Variants in MARK4 observed in about 807,000 individuals in gnomAD.
MARK4 encodes microtubule affinity regulating kinase 4.
Under a neutral mutation model 81.5 loss-of-function variants are expected in MARK4, and 19 were observed. The ratio of observed to expected loss-of-function variants is 0.23; its 90% CI spans 0.16 to 0.34. The LOEUF (loss-of-function observed/expected upper bound fraction) is 0.34, where lower values mean the gene tolerates loss of function less well. MARK4 is among the 10% of genes least tolerant of loss of function. The pLI, the probability that MARK4 is intolerant of heterozygous loss-of-function variation, is 1.00. For synonymous variants in MARK4, 436 were observed against 439.0 expected, an observed-to-expected ratio of 0.99 and a Z score of 0.08; for missense variants, 772 against 1,058.8, an observed-to-expected ratio of 0.73 and a Z score of 3.76.
At chr19:45,263,461 A>G in intron 4 of MARK4, 94 bp downstream of exon 4, 1 of 1,523,694 alleles carries the variant, frequency 6.6e-7, no homozygotes, top group Non-Finnish European at 9.1e-7. Context: ...TTGGAGACCC[A>G]CCAGGCGCAG....
chr19:45,281,228 A>G (rs1166756034), intron 12 of MARK4, among the ~76,000 whole-genome samples: 1 of 149,990 alleles, frequency 6.7e-6, no homozygotes. Flanking sequence ...TAATTTTTGT[A>G]TTTTCAGTAG....
At chr19:45,293,857 T>TG (rs1970850389) in intron 13 of MARK4, among the ~76,000 whole-genome samples, 1 of 152,238 alleles carries the variant, frequency 6.6e-6, no homozygotes, top group East Asian at 1.9e-4. Flanking sequence ...TGACTCAGCC[T>TG]GGGGCCGGGG....
At chr19:45,295,407 C>A (rs62120862) in intron 14 of MARK4, among the ~76,000 whole-genome samples, 2 of 151,802 alleles carry the variant, frequency 1.3e-5, no homozygotes, top group African/African-American at 4.8e-5. Context: ...GAGTTCGAAT[C>A]TTACCTCTGT....
At chr19:45,257,383 CT>C (rs35210904) in intron 1 of MARK4, among the ~76,000 whole-genome samples, 23,419 of 123,846 alleles carry the variant, frequency 0.19, 1,584 homozygotes, top group Middle Eastern at 0.32. Flanking sequence ...TTTTCTTTCT[CT>C]TTTTTTTTTT....
rs530175957 is a variant in MARK4, at chr19:45,289,186, G to C, written c.1494+1522G>C. The stretch of plus-strand genomic sequence containing the variant: ...GGGTGGATCATGAGGTCAAGAGATC[G>C]AGACCACCTGGCCAACATGGTGAAA... On this transcript the variant is annotated intron_variant, in intron 13 of 16. Coordinates refer to ENST00000262891, the MANE Select transcript of MARK4 (RefSeq NM_001199867.2). 2.2e-4 allele frequency among the ~76,000 whole-genome samples: 34 copies of C among 151,954 alleles called. No individual in the cohort carries two copies. The South Asian group carries it at 6.7e-3, about 30-fold the overall frequency.
At chr19:45,278,178 T>A in intron 9 of MARK4, 136 bp downstream of exon 9, 3 of 1,317,942 alleles carry the variant, frequency 2.3e-6, no homozygotes, top group Non-Finnish European at 3.1e-6. Flanking sequence ...TGCTGGTGAG[T>A]GGGGGTAGAC....
At chr19:45,299,693 C>G in intron 15 of MARK4, 118 bp from the exon 16 acceptor site, 7 of 812,568 alleles carry the variant, frequency 8.6e-6, no homozygotes, top group Non-Finnish European at 1.1e-5. Flanking sequence ...CAGGCCCTCA[C>G]CAGCCCGGAG....
chr19:45,271,855 C>A lies in MARK4; in HGVS notation c.786+147C>A, dbSNP rs1307753847. 3 of 773,542 alleles carry A rather than the reference C, an allele frequency of 3.9e-6. No homozygotes were observed. Among genetic ancestry groups the A allele is most frequent in the Non-Finnish European group, 4.2e-6 (2 of 479,988 alleles). 47.9% of individuals were successfully genotyped at this position (773,542 alleles called of 1,614,324 possible). On this transcript the variant is annotated intron_variant, in intron 8 of 16. Transcript: ENST00000262891. The surrounding 1 kb of genome is among the most constrained non-coding windows in gnomAD (Gnocchi z 4.1). ...TGGGGGATGGGCAGGATTCAAGTCCCCTCTGCAGTGAGGCCAGCCGAATGG... is the reference window on the plus strand; with the variant it reads ...TGGGGGATGGGCAGGATTCAAGTCCACTCTGCAGTGAGGCCAGCCGAATGG...
chr19:45,302,491 C>T lies in MARK4; in HGVS notation c.2040C>T (p.Ala680=). 6.2e-7 allele frequency: 1 copy of T among 1,608,530 alleles called. No individual in the cohort carries two copies. Among genetic ancestry groups the T allele is most frequent in the Non-Finnish European group, 8.5e-7 (1 of 1,179,370 alleles). Residue 680 remains alanine, a synonymous_variant, in exon 17 of 17, where the codon GCC becomes GCT. Transcript: ENST00000262891. The surrounding 1 kb of genome is among the most constrained non-coding windows in gnomAD (Gnocchi z 4.9). ...PEALMAALRQ[A]TAAARCRCRQ... is the part of the protein sequence containing the mutation. ...CCCTGATGGCAGCTCTGCGCCAGGC[C>T]ACAGCAGCCGCCCGCTGCCGCTGCC...
chr19:45,288,808 C>A (rs1422521435), intron 13 of MARK4, among the ~76,000 whole-genome samples: 2 of 147,536 alleles, frequency 1.4e-5, no homozygotes, highest in Non-Finnish European at 3.0e-5. Context: ...CAAGATCATA[C>A]CACTGCACTC....
At chr19:45,283,670 ATCCAT>A (rs1459078804) in intron 12 of MARK4, among the ~76,000 whole-genome samples, 1 of 152,154 alleles carries the variant, frequency 6.6e-6, no homozygotes, top group Non-Finnish European at 1.5e-5. Context: ...CATTTTGTTT[ATCCAT>A]TCATGAACAC....
At chr19:45,251,870 G>GCAGA (rs1219866128) in intron 1 of MARK4, among the ~76,000 whole-genome samples, 1 of 151,498 alleles carries the variant, frequency 6.6e-6, no homozygotes, top group East Asian at 2.0e-4. Context: ...TTGTCCCCGT[G>GCAGA]CAGACCGCTT....
intron 1 of MARK4, 84 bp from the exon 2 acceptor site, chr19:45,258,905 G>GC (rs750957735): frequency 1.1e-4 from 153 of 1,447,366 alleles, no homozygotes; most frequent in Non-Finnish European, 1.4e-4. Context: ...GGGGCCGGTA[G>GC]CCAGGCCTCA....
intron 1 of MARK4, among the ~76,000 whole-genome samples, chr19:45,257,870 T>C (rs1970329654): frequency 1.3e-5 from 2 of 150,658 alleles, no homozygotes; most frequent in Non-Finnish European, 3.0e-5. Flanking sequence ...TTTGTATTTT[T>C]AGTAGAGATG....
intron 12 of MARK4, 116 bp from the exon 13 acceptor site, chr19:45,287,331 A>C: frequency 1.6e-6 from 1 of 610,434 alleles, no homozygotes; most frequent in Non-Finnish European, 2.6e-6. Flanking sequence ...TATTGTCAGA[A>C]TGGCCCACAC....
chr19:45,294,552 TG>T, intron 14 of MARK4, 100 bp downstream of exon 14: 8 of 1,022,568 alleles, frequency 7.8e-6, no homozygotes, highest in Non-Finnish European at 1.0e-5. Context: ...GCTGGTGCCA[TG>T]GGGACCAGAG....
intron 12 of MARK4, among the ~76,000 whole-genome samples, chr19:45,286,448 G>A (rs1230655757): frequency 1.3e-5 from 2 of 148,948 alleles, no homozygotes; most frequent in Non-Finnish European, 3.0e-5. Context: ...GGTGGCTCAC[G>A]CCTGTAATCC....
chr19:45,302,521 G>A lies in MARK4; in HGVS notation c.2070G>A (p.Gln690=), dbSNP rs1429337628. ...ATAAARCRCR[Q]PQPFLLACLH... ...CAGCCGCCCGCTGCCGCTGCCGCCAGCCACAGCCGTTCCTGCTGGCCTGCC... is the reference window on the plus strand; with the variant it reads ...CAGCCGCCCGCTGCCGCTGCCGCCAACCACAGCCGTTCCTGCTGGCCTGCC... The change falls in exon 17 of 17, where the codon CAG becomes CAA. Residue 690 remains glutamine (Q), a synonymous_variant. Coordinates refer to ENST00000262891, the MANE Select transcript of MARK4 (RefSeq NM_001199867.2). The surrounding 1 kb of genome is among the most constrained non-coding windows in gnomAD (Gnocchi z 4.9). The A allele has an allele frequency of 1.9e-6, 3 of 1,601,530 alleles. No homozygotes were observed. In the Admixed American group the frequency reaches 5.0e-5, roughly 27 times the overall value.
chr19:45,287,042 C>T (rs74827760), intron 12 of MARK4, among the ~76,000 whole-genome samples: 3,604 of 151,868 alleles, frequency 0.024, 75 homozygotes, highest in Non-Finnish European at 0.037. Context: ...AGGCTGTTCC[C>T]AGTCTAATGG....
Sources: gnomAD v4.1 joint callset for allele counts (sites outside exome capture counted in the v4.1 genomes callset) on GRCh38, gnomAD v4.1.1 for gene constraint, Gnocchi (gnomAD v3.1) non-coding constraint, MANE v1.5 for transcripts, NCBI Gene and HGNC (gene_info 2026-07-23, HGNC 2026-07-21) for gene names.